The following ZP1 variants were observed in gnomAD, a reference collection of about 807,000 sequenced individuals.
The protein encoded by ZP1 is zona pellucida glycoprotein 1.
A neutral mutation model predicts 67.4 loss-of-function variants in ZP1; 58 were observed. The observed-to-expected ratio is 0.86, with a 90% CI of 0.70 to 1.07. The LOEUF is 1.07. Among genes scored for constraint, ZP1 ranks in the 50% least tolerant of loss-of-function variants. The pLI, the probability that ZP1 is intolerant of heterozygous loss-of-function variation, is 0.00. For missense variants in ZP1, 759 were observed against 807.3 expected (o/e 0.94, Z 0.72); for synonymous variants, 333 against 332.7 (o/e 1.00, Z -0.01).
At chr11:60,869,371 T>C (rs1317217966) in intron 2 of ZP1, 105 bp downstream of exon 2, 2 of 1,541,562 alleles carry the variant, frequency 1.3e-6, no homozygotes, top group Middle Eastern at 1.8e-4. Flanking sequence ...CGAAGATCTG[T>C]TGAGCTGGTG....
rs555751648 is a variant in ZP1 at position 60,870,471 on chromosome 11, C to T, written c.822C>T (p.Asn274=). Residue 274 remains asparagine, a synonymous_variant, in exon 4 of 12, where the codon AAC becomes AAT. Transcript: ENST00000278853. ...NTREVPCYYG[N]TATVQCFRDG... ...GAGAGGTTCCCTGTTACTATGGCAA[C>T]ACAGGTACAACCTCCCACCCCAGCA... is the stretch of plus-strand genomic sequence containing the variant. 26 of 1,606,666 alleles carry T rather than the reference C, an allele frequency of 1.6e-5. No homozygotes were observed. In the South Asian group the frequency reaches 2.8e-4, roughly 17 times the overall value.
At chr11:60,868,922 A>G (rs1855515601) in intron 1 of ZP1, among the ~76,000 whole-genome samples, 1 of 152,092 alleles carries the variant, frequency 6.6e-6, no homozygotes, top group Admixed American at 6.6e-5. Flanking sequence ...TGAGCAGGGA[A>G]CCCTAGCTAG....
At position 60,867,700 on chromosome 11, in the gene ZP1, G is replaced by A; in HGVS notation, c.139G>A (p.Gly47Arg). 6.2e-7 allele frequency: 1 copy of A among 1,614,036 alleles called. No homozygotes were observed. ...LRHSYDCGIK[G>R]MQLLVFPRPG... ...GCACAGCTACGACTGTGGGATCAAG[G>A]GAATGCAGCTGCTGGTGTTCCCCAG... is the stretch of plus-strand genomic sequence containing the variant. The change falls in exon 1 of 12, where the codon GGA (glycine) becomes AGA (arginine). Residue 47 changes from glycine to arginine, a missense_variant. Gly to Arg is a moderately radical substitution (Grantham distance 125). Coordinates refer to ENST00000278853, the MANE Select transcript of ZP1 (RefSeq NM_207341.4).
chr11:60,875,302 G>GA, intron 11 of ZP1, 54 bp downstream of exon 11: 1 of 1,570,064 alleles, frequency 6.4e-7, no homozygotes, highest in Non-Finnish European at 8.6e-7. Context: ...CAGCCCCCAA[G>GA]ATTGTGCTGA....
intron 10 of ZP1, 29 bp from the exon 11 acceptor site, chr11:60,875,100 G>A (rs752325570): frequency 2.3e-5 from 37 of 1,613,594 alleles, no homozygotes; most frequent in Non-Finnish European, 3.1e-5. Flanking sequence ...CAGGAGACCA[G>A]CCCAAGATTT....
In ZP1 at chr11:60,871,151, GCCGGGA is replaced by G. The variant is rs766796564; in HGVS notation, c.1014+10_1014+15del. 26 of 1,613,998 alleles carry G rather than the reference GCCGGGA, an allele frequency of 1.6e-5. No homozygotes were observed. In the African/African-American group the frequency reaches 2.5e-4, roughly 16 times the overall value. On this transcript the variant is annotated splice_region_variant and intron_variant, in intron 5 of 11. Transcript: ENST00000278853. ...CTGTGGAACCACAATGCAGGTAGGA[GCCGGGA>G]CCACAGGCTGGGGCCTGGTCCCCCA...
rs746399334 is a variant in ZP1, at chr11:60,869,555, A to G, written c.337A>G (p.Arg113Gly). ...CCTGCAGGATGGGCGTTTCCACCTG[A>G]GGGTGTTCATGGAGGCTGTGCTGCC... The part of the protein sequence containing the change: ...VLEKDGRFHL[R>G]VFMEAVLPNG... Residue 113 changes from arginine to glycine, a missense_variant, in exon 3 of 12, where the codon AGG becomes GGG. Coordinates refer to ENST00000278853, the MANE Select transcript of ZP1 (RefSeq NM_207341.4). 6.2e-7 allele frequency: 1 copy of G among 1,608,866 alleles called. No individual in the cohort carries two copies. The highest frequency in any genetic ancestry group is 8.5e-7 in the Non-Finnish European group (1 of 1,176,576).
chr11:60,874,021 G>A (rs575364605), intron 9 of ZP1, among the ~76,000 whole-genome samples: 3 of 152,214 alleles, frequency 2.0e-5, no homozygotes, highest in Non-Finnish European at 4.4e-5. Context: ...TGGTCATGGT[G>A]TTCTAGGGTG....
Position 60,869,793 on chromosome 11 carries a change from C to A in ZP1, c.575C>A (p.Pro192Gln), listed in dbSNP as rs756476585. 36 of 1,613,848 alleles carry A rather than the reference C, an allele frequency of 2.2e-5. No individual in the cohort carries two copies. Among genetic ancestry groups the A allele is most frequent in the Non-Finnish European group, 3.0e-5 (35 of 1,179,924 alleles). Reference protein sequence around the residue: ...PLDPGHSSVHPTPALPSPGPG... With the variant: ...PLDPGHSSVHQTPALPSPGPG... Reference sequence around the variant, plus strand: ...GACCCAGGGCACAGCTCTGTCCACCCAACCCCTGCTTTACCATCCCCTGGA... The same window carrying A: ...GACCCAGGGCACAGCTCTGTCCACCAAACCCCTGCTTTACCATCCCCTGGA... Residue 192 changes from proline to glutamine, a missense_variant, in exon 3 of 12, where the codon CCA becomes CAA. Transcript: ENST00000278853.
intron 11 of ZP1, 61 bp downstream of exon 11, chr11:60,875,309 C>A: frequency 6.4e-7 from 1 of 1,563,364 alleles, no homozygotes. Flanking sequence ...CAAGATTGTG[C>A]TGACAAAACA....
chr11:60,875,506 T>C lies in ZP1; in HGVS notation c.1775-8T>C, dbSNP rs1307369466. ...CACCCAGCCCTGCCAATCCCGTCTC[T>C]CTGACAGACTCCAATGGGAACTCCA... is the stretch of plus-strand genomic sequence containing the variant. On this transcript the variant is annotated splice_polypyrimidine_tract_variant and splice_region_variant and intron_variant, in intron 11 of 11. Transcript: ENST00000278853. 6.2e-7 allele frequency: 1 copy of C among 1,613,776 alleles called. No homozygotes were observed. Among genetic ancestry groups the C allele is most frequent in the African/African-American group, 1.3e-5 (1 of 75,048 alleles).
intron 3 of ZP1, 108 bp from the exon 4 acceptor site, chr11:60,870,224 T>G (rs951571764): frequency 7.8e-6 from 9 of 1,149,672 alleles, no homozygotes; most frequent in Non-Finnish European, 1.1e-5. Flanking sequence ...GGACATTTAC[T>G]GTGCTGGCTA....
rs765830405 is a variant in ZP1 at position 60,870,361 on chromosome 11, G to C, written c.712G>C (p.Val238Leu). The change falls in exon 4 of 12, where the codon GTG becomes CTG. Residue 238 changes from valine (V) to leucine (L), a missense_variant. Transcript: ENST00000278853. ...GTHLSQEQCQ[V>L]ASGHLPCIVR... ...CCACCTGAGCCAGGAGCAGTGCCAG[G>C]TGGCCTCAGGGCACCTCCCCTGCAT... is the stretch of plus-strand genomic sequence containing the variant. The C allele has an allele frequency of 3.7e-5, 60 of 1,611,286 alleles. 1 individual carries two copies. In the South Asian group the frequency reaches 6.6e-4, roughly 18 times the overall value.
Position 60,875,132 on chromosome 11 carries a change from A to G in ZP1, c.1658A>G (p.Gln553Arg), listed in dbSNP as rs1855676440. The G allele has an allele frequency of 1.9e-6, 3 of 1,613,836 alleles. No individual in the cohort carries two copies. Among genetic ancestry groups the G allele is most frequent in the African/African-American group, 1.3e-5 (1 of 74,956 alleles). ...ATTTCATTCTTCCCCTGGGCAGGAC[A>G]GCGACGATCCTCAGGTCACCGTAAT... ...STACSTGTTR[Q>R]RRSSGHRNDT... Residue 553 changes from glutamine to arginine, a missense_variant, in exon 11 of 12, where the codon CAG becomes CGG. Transcript: ENST00000278853.
chr11:60,873,206 T>C lies in ZP1; in HGVS notation c.1157T>C (p.Ile386Thr). ...CVFNASDFLP[I>T]QASIFPPPSP... Reference sequence around the variant, plus strand: ...TTCAACGCCAGTGACTTCCTGCCCATTCAGGCATCCATTTTCCCACCCCCA... The same window carrying C: ...TTCAACGCCAGTGACTTCCTGCCCACTCAGGCATCCATTTTCCCACCCCCA... The change falls in exon 7 of 12, where the codon ATT becomes ACT. Residue 386 changes from isoleucine (I) to threonine (T), a missense_variant. Ile to Thr is a moderately conservative substitution (Grantham distance 89). Coordinates refer to ENST00000278853, the MANE Select transcript of ZP1 (RefSeq NM_207341.4). 1.2e-6 allele frequency: 2 copies of C among 1,608,120 alleles called. No individual in the cohort carries two copies. The highest frequency in any genetic ancestry group is 2.2e-5 in the East Asian group (1 of 44,844).
chr11:60,871,337 A>G, intron 6 of ZP1, 23 bp downstream of exon 6: 7 of 1,611,618 alleles, frequency 4.3e-6, no homozygotes, highest in Non-Finnish European at 5.9e-6. Flanking sequence ...CTCCTCCTAC[A>G]GGCGTGGCTG....
At chr11:60,869,486 G>A in intron 2 of ZP1, 51 bp from the exon 3 acceptor site, 1 of 1,556,654 alleles carries the variant, frequency 6.4e-7, no homozygotes, top group Non-Finnish European at 8.7e-7. Flanking sequence ...CCCTGCCTGG[G>A]TATGCTAGGT....
At chr11:60,868,020 A>T (rs1165270270) in intron 1 of ZP1, among the ~76,000 whole-genome samples, 1 of 148,526 alleles carries the variant, frequency 6.7e-6, no homozygotes, top group African/African-American at 2.5e-5. Context: ...GGGCAGGGCC[A>T]AGCCTCTGCA....
At position 60,870,479 on chromosome 11, in the gene ZP1, CA is replaced by C. The variant is rs1320410239; in HGVS notation, c.826+6del. On this transcript the variant is annotated splice_donor_5th_base_variant and intron_variant, in intron 4 of 11. Transcript: ENST00000278853. ...CCCTGTTACTATGGCAACACAGGTA[CA>C]ACCTCCCACCCCAGCAAGATCCTGG... 3.1e-6 allele frequency: 5 copies of C among 1,600,562 alleles called. No individual in the cohort carries two copies. The highest frequency in any genetic ancestry group is 4.3e-6 in the Non-Finnish European group (5 of 1,172,664).
Sources: gnomAD v4.1 joint callset for allele counts (sites outside exome capture counted in the v4.1 genomes callset) on GRCh38, gnomAD v4.1.1 for gene constraint, MANE v1.5 for transcripts, NCBI Gene and HGNC (gene_info 2026-07-23, HGNC 2026-07-21) for gene names.